The following CSMD1 variants were observed in gnomAD, a reference collection of about 807,000 sequenced individuals.
CSMD1 encodes the protein CUB and Sushi multiple domains 1.
CSMD1 carries 213 observed loss-of-function variants against 417.5 expected under a neutral mutation model. The ratio of observed to expected loss-of-function variants is 0.51; its 90% CI spans 0.46 to 0.57. The LOEUF is 0.57. CSMD1 is among the 20% of genes least tolerant of loss of function. The pLI, the probability that CSMD1 is intolerant of heterozygous loss-of-function variation, is 0.00. For missense variants in CSMD1, 6,923 were observed against 4,529.7 expected, an observed-to-expected ratio of 1.53 and a Z score of -15.17; for synonymous variants, 2,862 against 1,736.8, an observed-to-expected ratio of 1.65 and a Z score of -16.11.
At chr8:4,102,080 C>T (rs898324460) in intron 3 of CSMD1, among the ~76,000 whole-genome samples, 2 of 152,144 alleles carry the variant, frequency 1.3e-5, no homozygotes, top group Non-Finnish European at 2.9e-5. Context: ...ACCTGCGCTG[C>T]ACTAATTTCT....
intron 48 of CSMD1, among the ~76,000 whole-genome samples, chr8:3,090,586 T>C (rs370433761): frequency 6.6e-6 from 1 of 152,140 alleles, no homozygotes; most frequent in African/African-American, 2.4e-5. Flanking sequence ...GTTTTAACAC[T>C]GTTTCCTGGT....
chr8:4,102,797 T>G (rs776533100), intron 3 of CSMD1, among the ~76,000 whole-genome samples: 1 of 152,204 alleles, frequency 6.6e-6, no homozygotes, highest in Non-Finnish European at 1.5e-5. Context: ...ATTTTTCTCC[T>G]TCAGCAGTTG....
chr8:4,491,556 A>T (rs1215392919), intron 2 of CSMD1, among the ~76,000 whole-genome samples: 1 of 148,958 alleles, frequency 6.7e-6, no homozygotes, highest in Non-Finnish European at 1.5e-5. Context: ...ATGATTTTGC[A>T]ATGTTTAAAA....
At chr8:4,088,851 G>T (rs930405087) in intron 3 of CSMD1, among the ~76,000 whole-genome samples, 3 of 152,056 alleles carry the variant, frequency 2.0e-5, no homozygotes, top group Non-Finnish European at 2.9e-5. Flanking sequence ...CTAGTCTCCT[G>T]GTTTCCATGA....
At chr8:4,915,642 C>T (rs10046740) in intron 1 of CSMD1, among the ~76,000 whole-genome samples, 5,986 of 152,300 alleles carry the variant, frequency 0.039, 141 homozygotes, top group South Asian at 0.053. Context: ...CCAACCTTCA[C>T]ACCCAGACCT....
chr8:3,799,676 GCTTC>G (rs1049515185), intron 5 of CSMD1, among the ~76,000 whole-genome samples: 1 of 151,778 alleles, frequency 6.6e-6, no homozygotes, highest in African/African-American at 2.4e-5. Context: ...GGCAAATTTT[GCTTC>G]CTTATCTGAC....
intron 10 of CSMD1, among the ~76,000 whole-genome samples, chr8:3,560,430 G>A (rs572547082): frequency 1.3e-5 from 2 of 152,246 alleles, no homozygotes; most frequent in South Asian, 2.1e-4. Context: ...TGCAAAATGG[G>A]CAAAGTCAAG....
rs148581437 is a variant in CSMD1, at chr8:4,297,077, G to T, written c.415+122876C>A. Among the ~76,000 whole-genome samples the T allele has an allele frequency of 7.3e-5, 3 of 40,954 alleles. No homozygotes were observed. The Admixed American group carries it at 1.1e-3, about 14-fold the overall frequency. 26.9% of individuals were successfully genotyped at this position (40,954 alleles called of 152,430 possible). A position where few individuals can be genotyped will look rare whatever the true frequency, so the allele number is the denominator to read the frequency against. ...AATGGTCGGATGGGTTAGATAGGTT[G>T]AAGAGCTTGGGGAGACTCTAGAGCA... is the stretch of plus-strand genomic sequence containing the variant. On this transcript the variant is annotated intron_variant, in intron 3 of 69. Transcript: ENST00000635120.
intron 2 of CSMD1, among the ~76,000 whole-genome samples, chr8:4,470,221 T>C (rs1323483156): frequency 1.3e-5 from 2 of 152,118 alleles, no homozygotes; most frequent in African/African-American, 4.8e-5. Context: ...TGGCCTCTGA[T>C]ATTTTTCAGC....
At chr8:4,739,063 AACACACACATGTGC>A (rs941585898) in intron 1 of CSMD1, among the ~76,000 whole-genome samples, 1 of 152,206 alleles carries the variant, frequency 6.6e-6, no homozygotes, top group African/African-American at 2.4e-5. Flanking sequence ...ATTCTTTTTA[AACACACACATGTGC>A]ACACACACAT....
At chr8:3,803,949 G>A (rs1364285307) in intron 5 of CSMD1, among the ~76,000 whole-genome samples, 5 of 151,858 alleles carry the variant, frequency 3.3e-5, no homozygotes, top group Admixed American at 6.6e-5. Flanking sequence ...TTTTTTTGAG[G>A]TGGAGTCTTG....
Position 4,093,803 on chromosome 8 carries a change from A to G in CSMD1, c.416-61704T>C, listed in dbSNP as rs1800845124. Among the ~76,000 whole-genome samples, 3 of 152,270 alleles carry G rather than the reference A, an allele frequency of 2.0e-5. No homozygotes were observed. The South Asian group carries it at 6.2e-4, about 32-fold the overall frequency. On this transcript the variant is annotated intron_variant, in intron 3 of 69. Transcript: ENST00000635120. ...TGGTGAAATCCCATATCTACTAAAAATACAAAAAGTAGCTGGGTGTGGTGG... is the reference window on the plus strand; with the variant it reads ...TGGTGAAATCCCATATCTACTAAAAGTACAAAAAGTAGCTGGGTGTGGTGG...
At chr8:3,109,145 G>C (rs572462487) in intron 43 of CSMD1, among the ~76,000 whole-genome samples, 20 of 152,276 alleles carry the variant, frequency 1.3e-4, no homozygotes, top group African/African-American at 4.3e-4. Flanking sequence ...CGCACTTGTA[G>C]TCCCAGCTAC....
At chr8:4,992,344 C>T (rs1307218120) in intron 1 of CSMD1, among the ~76,000 whole-genome samples, 1 of 152,244 alleles carries the variant, frequency 6.6e-6, no homozygotes, top group Non-Finnish European at 1.5e-5. Context: ...CCGCGGTCTC[C>T]ACGCAGCAAC....
intron 10 of CSMD1, among the ~76,000 whole-genome samples, chr8:3,568,049 G>C (rs933728717): frequency 6.6e-6 from 1 of 151,986 alleles, no homozygotes; most frequent in Non-Finnish European, 1.5e-5. Context: ...AATTACATGT[G>C]CTTCAGAGTA....
chr8:4,283,786 TAA>T (rs34646576), intron 3 of CSMD1, among the ~76,000 whole-genome samples: 19 of 151,196 alleles, frequency 1.3e-4, no homozygotes, highest in South Asian at 8.3e-4. Context: ...AAAAGGAGAA[TAA>T]AAAAAAAAAT....
At chr8:2,988,336 C>A (rs967937169) in intron 54 of CSMD1, among the ~76,000 whole-genome samples, 2 of 151,578 alleles carry the variant, frequency 1.3e-5, no homozygotes, top group African/African-American at 4.9e-5. Flanking sequence ...AACACCCAAT[C>A]CTATAAAATT....
intron 5 of CSMD1, among the ~76,000 whole-genome samples, chr8:3,840,929 A>G (rs560413701): frequency 6.3e-4 from 96 of 151,764 alleles, no homozygotes; most frequent in Non-Finnish European, 7.8e-4. Context: ...CTGGTCTCGA[A>G]CTCCTGAACT....
At chr8:4,213,655 C>G (rs1277461362) in intron 3 of CSMD1, among the ~76,000 whole-genome samples, 1 of 152,182 alleles carries the variant, frequency 6.6e-6, no homozygotes, top group African/African-American at 2.4e-5. Context: ...GATTGTTGCT[C>G]AGCAACTGAG....
Sources: allele counts gnomAD v4.1 joint callset (sites outside exome capture counted in the v4.1 genomes callset), GRCh38; gene constraint gnomAD v4.1.1; transcripts MANE v1.5; gene names NCBI Gene and HGNC (gene_info 2026-07-23, HGNC 2026-07-21).